The following CTNNAL1 variants were observed in gnomAD, a reference collection of about 807,000 sequenced individuals.
CTNNAL1 encodes alpha-catulin.
A neutral mutation model predicts 93.6 loss-of-function variants in CTNNAL1; 69 were observed. The observed-to-expected ratio is 0.74, with a 90% CI of 0.61 to 0.90. The LOEUF is 0.90. Among genes scored for constraint, CTNNAL1 ranks in the 40% least tolerant of loss-of-function variants. The probability of loss-of-function intolerance (pLI) is 0.00; values close to 1 mark genes in which losing one functional copy is unlikely to be tolerated. For missense variants in CTNNAL1, 836 were observed against 862.0 expected (o/e 0.97, Z 0.38); for synonymous variants, 286 against 305.4 (o/e 0.94, Z 0.66).
At chr9:108,997,444 T>C (rs73525298) in intron 2 of CTNNAL1, among the ~76,000 whole-genome samples, 9,694 of 152,258 alleles carry the variant, frequency 0.064, 1,049 homozygotes, top group African/African-American at 0.22. Context: ...TGTGAAATGT[T>C]CTTGTTTTGA....
At chr9:108,975,509 A>G (rs565733690) in intron 8 of CTNNAL1, among the ~76,000 whole-genome samples, 130 of 152,274 alleles carry the variant, frequency 8.5e-4, no homozygotes, top group African/African-American at 3.1e-3. Flanking sequence ...CAACCTGACA[A>G]AAATCAACAA....
intron 7 of CTNNAL1, among the ~76,000 whole-genome samples, chr9:108,978,480 A>G (rs775661224): frequency 2.6e-5 from 4 of 152,210 alleles, no homozygotes; most frequent in Non-Finnish European, 5.9e-5. Flanking sequence ...GATTTGTACT[A>G]TCACTGCTGT....
In CTNNAL1 at chr9:108,942,701, G is replaced by A. The variant is rs764796847; in HGVS notation, c.*68C>T. 9.9e-7 allele frequency: 1 copy of A among 1,014,828 alleles called. No homozygotes were observed. The highest frequency in any genetic ancestry group is 1.5e-6 in the Non-Finnish European group (1 of 660,084). The allele number at this position is 1,014,828 out of a possible 1,614,324, so 62.9% of individuals were successfully genotyped here. On this transcript the variant is annotated 3_prime_UTR_variant, in exon 19 of 19. Transcript: ENST00000325551. ...TTGATGAATTTCTGAAAAGATAAAG[G>A]ATCATTTGATTTTTAAAAATGTCAG...
chr9:108,971,228 A>G (rs1831108026), intron 9 of CTNNAL1, among the ~76,000 whole-genome samples: 1 of 152,164 alleles, frequency 6.6e-6, no homozygotes, highest in African/African-American at 2.4e-5. Flanking sequence ...AGCCAGTTCA[A>G]TTAGTCTAAA....
In CTNNAL1 at chr9:108,992,615, A is replaced by G. The variant is rs1306576433; in HGVS notation, c.519+17T>C. The G allele has an allele frequency of 1.9e-6, 3 of 1,587,464 alleles. No individual in the cohort carries two copies. The African/African-American group carries it at 4.1e-5, about 21-fold the overall frequency. On this transcript the variant is annotated intron_variant, in intron 3 of 18. Coordinates refer to ENST00000325551, the MANE Select transcript of CTNNAL1 (RefSeq NM_003798.4). ...CACAGAAAGACAAAAATACAGCAACATCAGAAAGGTAAGTACCTTATTTCT... is the reference window on the plus strand; with the variant it reads ...CACAGAAAGACAAAAATACAGCAACGTCAGAAAGGTAAGTACCTTATTTCT...
At chr9:108,993,877 G>A (rs1186052365) in intron 2 of CTNNAL1, among the ~76,000 whole-genome samples, 2 of 152,222 alleles carry the variant, frequency 1.3e-5, no homozygotes, top group Non-Finnish European at 2.9e-5. Flanking sequence ...AGGATCTTGA[G>A]TAAAAAGTAC....
At chr9:108,972,864 G>GGGGGGGGGGGGGGGGGGGCCCCCCCCCCC in intron 8 of CTNNAL1, 31 bp from the exon 9 acceptor site, 1 of 142,572 alleles carries the variant, frequency 7.0e-6, no homozygotes. Flanking sequence ...GGGGGGGTGG[G>GGGGGGGGGGGGGGGGGGGCCCCCCCCCCC]AGGGTGGAGA....
At chr9:108,959,278 T>C (rs1830765005) in intron 11 of CTNNAL1, among the ~76,000 whole-genome samples, 2 of 141,118 alleles carry the variant, frequency 1.4e-5, no homozygotes, top group South Asian at 2.2e-4. Flanking sequence ...GGCAGGAGAA[T>C]GGCATGAACC....
rs186634413 is a variant in CTNNAL1, at chr9:109,004,235, C to A, written c.142-4979G>T. On this transcript the variant is annotated intron_variant, in intron 1 of 18. Coordinates refer to ENST00000325551, the MANE Select transcript of CTNNAL1 (RefSeq NM_003798.4). ...AAGTGCTAGAGTTAGGATTCAGAGT[C>A]AGACATTTCAATTCTAGAGACCGTA... 1.2e-3 allele frequency among the ~76,000 whole-genome samples: 183 copies of A among 152,248 alleles called. 2 individuals carry two copies. In the Middle Eastern group the frequency reaches 0.014, roughly 11 times the overall value.
chr9:109,006,014 T>C (rs1206178742), intron 1 of CTNNAL1, among the ~76,000 whole-genome samples: 1 of 152,188 alleles, frequency 6.6e-6, no homozygotes, highest in African/African-American at 2.4e-5. Flanking sequence ...TATTCTAAAA[T>C]TAGTTTCAAA....
intron 8 of CTNNAL1, 31 bp from the exon 9 acceptor site, chr9:108,972,864 G>GGGGGGTGCCC: frequency 7.0e-6 from 1 of 142,588 alleles, no homozygotes; most frequent in Non-Finnish European, 1.0e-5. Context: ...GGGGGGGTGG[G>GGGGGGTGCCC]AGGGTGGAGA....
intron 1 of CTNNAL1, among the ~76,000 whole-genome samples, chr9:109,009,630 G>C (rs1827149537): frequency 6.6e-6 from 1 of 152,194 alleles, no homozygotes; most frequent in African/African-American, 2.4e-5. Context: ...AAATCTGGCA[G>C]AGCAAGTCCA....
intron 8 of CTNNAL1, 108 bp downstream of exon 8, chr9:108,976,854 C>A: frequency 2.1e-6 from 1 of 480,376 alleles, no homozygotes; most frequent in South Asian, 5.3e-5. Flanking sequence ...CTTTTAAAAC[C>A]ATTTTCTAGG....
At chr9:109,000,435 A>G (rs984632167) in intron 1 of CTNNAL1, among the ~76,000 whole-genome samples, 3 of 152,218 alleles carry the variant, frequency 2.0e-5, no homozygotes, top group Non-Finnish European at 4.4e-5. Flanking sequence ...AGAAAAGCCC[A>G]CGTTCCCATG....
chr9:108,986,570 A>G (rs1831615037), intron 4 of CTNNAL1, among the ~76,000 whole-genome samples: 1 of 151,802 alleles, frequency 6.6e-6, no homozygotes, highest in Non-Finnish European at 1.5e-5. Context: ...GTCAAATGGT[A>G]TTTCTAGTTC....
In CTNNAL1 at chr9:108,942,839, A is replaced by G. The variant is rs370970219; in HGVS notation, c.2140-5T>C. 12 of 1,613,604 alleles carry G rather than the reference A, an allele frequency of 7.4e-6. No homozygotes were observed. Among genetic ancestry groups the G allele is most frequent in the Non-Finnish European group, 1.0e-5 (12 of 1,179,806 alleles). ...TCCGTTATTTTCCATCTGAAGCTGG[A>G]AAGAGTTAAGACAATTAGTATCTGG... On this transcript the variant is annotated splice_polypyrimidine_tract_variant and splice_region_variant and intron_variant, in intron 18 of 18. Transcript: ENST00000325551.
At chr9:108,955,664 T>C (rs1587948735) in intron 12 of CTNNAL1, 126 bp downstream of exon 12, 2 of 827,616 alleles carry the variant, frequency 2.4e-6, no homozygotes, top group East Asian at 5.5e-5. Context: ...GAAGTCAACA[T>C]TAATATCCTA....
At chr9:108,948,391 C>G (rs1830465703) in intron 14 of CTNNAL1, among the ~76,000 whole-genome samples, 157 bp from the exon 15 acceptor site, 1 of 152,126 alleles carries the variant, frequency 6.6e-6, no homozygotes, top group South Asian at 2.1e-4. Flanking sequence ...ATGCTTAAAG[C>G]AACTTTAATA....
chr9:108,976,878 T>A (rs1208560922), intron 8 of CTNNAL1, 84 bp downstream of exon 8: 3 of 551,834 alleles, frequency 5.4e-6, no homozygotes, highest in African/African-American at 2.0e-5. Flanking sequence ...AGAGACATAC[T>A]AATAATACTA....
Sources: allele counts gnomAD v4.1 joint callset (sites outside exome capture counted in the v4.1 genomes callset), GRCh38; gene constraint gnomAD v4.1.1; transcripts MANE v1.5; gene names NCBI Gene and HGNC (gene_info 2026-07-23, HGNC 2026-07-21).